The following CSNK2A2IP variants were observed in gnomAD, a reference collection of about 807,000 sequenced individuals.
CSNK2A2IP encodes the protein casein kinase II subunit alpha'-interacting protein.
At chr3:88,439,424 G>A in the CSNK2A2IP span, among the ~76,000 whole-genome samples, 51 of 151,856 alleles carry the variant, frequency 3.4e-4, no homozygotes, top group African/African-American at 1.1e-3. Flanking sequence ...GATTGGTTTG[G>A]TTTCAGTTTA....
the CSNK2A2IP span, among the ~76,000 whole-genome samples, chr3:88,413,600 A>G: frequency 4.6e-5 from 7 of 151,858 alleles, no homozygotes; most frequent in African/African-American, 1.7e-4. Context: ...GGTTTGACAA[A>G]AGTTGAGTAT....
chr3:88,433,734 C>T, the CSNK2A2IP span, among the ~76,000 whole-genome samples: 1 of 152,140 alleles, frequency 6.6e-6, no homozygotes, highest in African/African-American at 2.4e-5. Flanking sequence ...CCCTTGGGGA[C>T]GTTGTGCTTT....
the CSNK2A2IP span, among the ~76,000 whole-genome samples, chr3:88,415,940 G>A: frequency 6.6e-6 from 1 of 151,968 alleles, no homozygotes; most frequent in East Asian, 1.9e-4. Context: ...AAACAAAGAA[G>A]CCAAAGTTAG....
At chr3:88,429,562 C>T in the CSNK2A2IP span, among the ~76,000 whole-genome samples, 4 of 134,290 alleles carry the variant, frequency 3.0e-5, no homozygotes, top group Admixed American at 2.4e-4. Context: ...TTCAGACTAG[C>T]TAAATAGCTG....
chr3:88,449,960 T>C, the CSNK2A2IP span, among the ~76,000 whole-genome samples: 4 of 148,396 alleles, frequency 2.7e-5, no homozygotes, highest in African/African-American at 9.9e-5. Context: ...CTCCACCATC[T>C]GGGTTCAAGC....
chr3:88,373,603 T>A, the CSNK2A2IP span, among the ~76,000 whole-genome samples: 1 of 143,696 alleles, frequency 7.0e-6, no homozygotes, highest in African/African-American at 2.6e-5. Context: ...GTAATGAAAG[T>A]AAAAAAAAAA....
At chr3:88,416,643 C>A in the CSNK2A2IP span, among the ~76,000 whole-genome samples, 1 of 152,190 alleles carries the variant, frequency 6.6e-6, no homozygotes, top group Non-Finnish European at 1.5e-5. Context: ...AGACATTTAT[C>A]ACCCTTAATA....
At chr3:88,380,166 T>C in the CSNK2A2IP span, among the ~76,000 whole-genome samples, 11 of 152,132 alleles carry the variant, frequency 7.2e-5, no homozygotes, top group East Asian at 2.1e-3. Context: ...GGAAAAGAAT[T>C]AATAGAAATA....
the CSNK2A2IP span, among the ~76,000 whole-genome samples, chr3:88,449,620 C>T: frequency 6.6e-6 from 1 of 150,790 alleles, no homozygotes; most frequent in East Asian, 2.0e-4. Context: ...GTGGTGCATG[C>T]TATTTCCCCT....
chr3:88,460,034 T>C, the CSNK2A2IP span, among the ~76,000 whole-genome samples: 52,964 of 151,964 alleles, frequency 0.35, 10,636 homozygotes, highest in Non-Finnish European at 0.47. Context: ...AGCAGTTTCA[T>C]AGAACAAACG....
chr3:88,351,926 T>TTA, the CSNK2A2IP span, among the ~76,000 whole-genome samples: 5 of 152,104 alleles, frequency 3.3e-5, no homozygotes, highest in African/African-American at 1.2e-4. Flanking sequence ...TACTGGAAAT[T>TTA]TTGTCCCAAG....
chr3:88,352,636 T>C, the CSNK2A2IP span, among the ~76,000 whole-genome samples: 1 of 152,006 alleles, frequency 6.6e-6, no homozygotes, highest in Admixed American at 6.6e-5. Flanking sequence ...TGGAGTGCAG[T>C]GGCATGATCA....
At chr3:88,448,923 T>G in the CSNK2A2IP span, among the ~76,000 whole-genome samples, 1 of 152,164 alleles carries the variant, frequency 6.6e-6, no homozygotes, top group Non-Finnish European at 1.5e-5. Flanking sequence ...TTATAAATGT[T>G]TTTGCAATAG....
At chr3:88,438,782 A>T in the CSNK2A2IP span, among the ~76,000 whole-genome samples, 2,074 of 152,040 alleles carry the variant, frequency 0.014, 40 homozygotes, top group African/African-American at 0.048. Flanking sequence ...GTCACGTAAG[A>T]CTCTGATTAA....
the CSNK2A2IP span, chr3:88,431,420 A>C: frequency 6.6e-6 from 1 of 152,278 alleles, no homozygotes; most frequent in Non-Finnish European, 1.5e-5. Context: ...ATGCAAAGGC[A>C]TAAGAATGAC....
At chr3:88,424,041 A>G in the CSNK2A2IP span, among the ~76,000 whole-genome samples, 29 of 152,222 alleles carry the variant, frequency 1.9e-4, no homozygotes, top group African/African-American at 7.0e-4. Flanking sequence ...TTCAACTCGG[A>G]TATACTTGCC....
At chr3:88,375,981 A>G in the CSNK2A2IP span, among the ~76,000 whole-genome samples, 3 of 151,392 alleles carry the variant, frequency 2.0e-5, no homozygotes, top group Admixed American at 6.6e-5. Context: ...ATTGTGCTCA[A>G]TCCTATTCAG....
At chr3:88,426,728 TGC>T in the CSNK2A2IP span, among the ~76,000 whole-genome samples, 1 of 152,176 alleles carries the variant, frequency 6.6e-6, no homozygotes, top group Non-Finnish European at 1.5e-5. Context: ...AGGATGAATT[TGC>T]TTTGCCTTCG....
At chr3:88,433,910 A>G in the CSNK2A2IP span, among the ~76,000 whole-genome samples, 3 of 152,178 alleles carry the variant, frequency 2.0e-5, no homozygotes, top group Non-Finnish European at 4.4e-5. Context: ...GGATTAGTTC[A>G]GTACAAAATC....
Sources: gnomAD v4.1 joint callset for allele counts (sites outside exome capture counted in the v4.1 genomes callset) on GRCh38, gnomAD v4.1.1 for gene constraint, MANE v1.5 for transcripts, NCBI Gene and HGNC (gene_info 2026-07-23, HGNC 2026-07-21) for gene names.